ARHGEF10: variants seen among roughly 807,000 people sequenced by gnomAD.
The protein encoded by ARHGEF10 is Rho guanine nucleotide exchange factor 10, also known as Rho guanine nucleotide exchange factor (GEF) 10.
Under a neutral mutation model 147.4 loss-of-function variants are expected in ARHGEF10, and 140 were observed. The observed-to-expected ratio is 0.95, with a 90% CI of 0.83 to 1.09. The LOEUF (loss-of-function observed/expected upper bound fraction) is 1.09, where lower values mean the gene tolerates loss of function less well. Among genes scored for constraint, ARHGEF10 ranks in the 50% least tolerant of loss-of-function variants. The pLI is 0.00. For missense variants in ARHGEF10, 2,222 were observed against 1,752.7 expected (o/e 1.27, Z -4.78); for synonymous variants, 902 against 695.8 (o/e 1.30, Z -4.67).
intron 27 of ARHGEF10, among the ~76,000 whole-genome samples, chr8:1,951,381 C>G (rs1292932722): frequency 1.3e-5 from 2 of 152,350 alleles, no homozygotes; most frequent in Middle Eastern, 3.4e-3. Flanking sequence ...TCGCCCTGAC[C>G]AAGTCACGCC....
intron 10 of ARHGEF10, among the ~76,000 whole-genome samples, chr8:1,885,269 C>G (rs949768910): frequency 4.6e-5 from 7 of 152,158 alleles, no homozygotes; most frequent in African/African-American, 1.4e-4. Context: ...GATTAAGAAA[C>G]TAAAATATTT....
chr8:1,951,368 C>G (rs1311722850), intron 27 of ARHGEF10, among the ~76,000 whole-genome samples: 6 of 152,260 alleles, frequency 3.9e-5, no homozygotes, highest in African/African-American at 1.4e-4. Context: ...TGTGGATTCA[C>G]TATCGCCCTG....
intron 2 of ARHGEF10, among the ~76,000 whole-genome samples, chr8:1,846,912 G>A (rs776189404): frequency 1.1e-4 from 16 of 152,134 alleles, no homozygotes; most frequent in East Asian, 1.9e-4. Flanking sequence ...TTTTTATACC[G>A]CGTTAACATT....
rs918633031 is a variant in ARHGEF10 at position 1,850,256 on chromosome 8, AC to A, written c.37+6821del. Among the ~76,000 whole-genome samples, 23 of 134,292 alleles carry A rather than the reference AC, an allele frequency of 1.7e-4. 5 individuals carry two copies. The highest frequency in any genetic ancestry group is 1.7e-3 in the East Asian group (7 of 4,188). 88.1% of individuals were successfully genotyped at this position (134,292 alleles called of 152,430 possible). A position where few individuals can be genotyped will look rare whatever the true frequency, so the allele number is the denominator to read the frequency against. ...GCGTGGGGCAGTCGCGTGGACACAG[AC>A]GGCAAATGCTGAGGAGGGTGTGGGG... On this transcript the variant is annotated intron_variant, in intron 2 of 28. Coordinates refer to ENST00000349830, the MANE Select transcript of ARHGEF10 (RefSeq NM_014629.4).
intron 4 of ARHGEF10, among the ~76,000 whole-genome samples, chr8:1,861,129 G>A (rs188771362): frequency 3.3e-5 from 5 of 152,336 alleles, no homozygotes; most frequent in East Asian, 3.9e-4. Context: ...TGTCCTCAGC[G>A]CTGACAGCTC....
intron 26 of ARHGEF10, among the ~76,000 whole-genome samples, chr8:1,940,812 T>G (rs948878121): frequency 1.3e-5 from 2 of 152,168 alleles, no homozygotes; most frequent in Admixed American, 1.3e-4. Flanking sequence ...CAAAGATGGT[T>G]CAGGACGTGA....
chr8:1,833,275 C>A (rs1271427366), intron 1 of ARHGEF10, among the ~76,000 whole-genome samples: 4 of 137,370 alleles, frequency 2.9e-5, no homozygotes, highest in Non-Finnish European at 6.1e-5. Context: ...GAGGCAGAGA[C>A]AGAGGTAGAG....
At chr8:1,928,787 AT>A in intron 24 of ARHGEF10, 137 bp downstream of exon 24, 2 of 920,910 alleles carry the variant, frequency 2.2e-6, no homozygotes, top group Non-Finnish European at 3.4e-6. Flanking sequence ...ACCAGGGGAA[AT>A]TTTTAGGGTC....
chr8:1,921,702 T>C (rs11136443), intron 18 of ARHGEF10, among the ~76,000 whole-genome samples: 61,442 of 151,678 alleles, frequency 0.41, 13,097 homozygotes, highest in East Asian at 0.6. Context: ...GCCATCGCAC[T>C]GCAGCCTGGG....
At chr8:1,912,552 G>C (rs1419008899) in intron 18 of ARHGEF10, among the ~76,000 whole-genome samples, 3 of 110,646 alleles carry the variant, frequency 2.7e-5, no homozygotes, top group East Asian at 1.9e-4. Flanking sequence ...TCCGATGTTA[G>C]ATTCAGCAGG....
chr8:1,896,947 G>A (rs1174518014), intron 14 of ARHGEF10, among the ~76,000 whole-genome samples: 9 of 152,198 alleles, frequency 5.9e-5, no homozygotes, highest in Non-Finnish European at 1.5e-5. Flanking sequence ...TGGGGAGCAC[G>A]TCCCCTGATG....
intron 8 of ARHGEF10, among the ~76,000 whole-genome samples, chr8:1,878,773 G>C (rs549038980): frequency 1.8e-4 from 27 of 152,332 alleles, no homozygotes; most frequent in Middle Eastern, 3.4e-3. Flanking sequence ...CCGTATCCCA[G>C]AGGAGCCCTT....
chr8:1,939,368 C>T (rs1813892084), intron 26 of ARHGEF10, among the ~76,000 whole-genome samples: 1 of 152,248 alleles, frequency 6.6e-6, no homozygotes, highest in African/African-American at 2.4e-5. Context: ...AGAGCAACCA[C>T]AGATGGTTAA....
At chr8:1,920,052 G>GTGGGTGATGGAGCTGTTCCA (rs1563286467) in intron 18 of ARHGEF10, among the ~76,000 whole-genome samples, 1 of 93,946 alleles carries the variant, frequency 1.1e-5, no homozygotes, top group African/African-American at 3.9e-5. Context: ...GAGCTGTTCC[G>GTGGGTGATGGAGCTGTTCCA]TGGGTGATGG....
chr8:1,859,606 T>C (rs1403507837), intron 3 of ARHGEF10, among the ~76,000 whole-genome samples: 3 of 152,230 alleles, frequency 2.0e-5, no homozygotes, highest in Non-Finnish European at 2.9e-5. Context: ...ACCAGACTCT[T>C]GGTGAGGGGA....
chr8:1,879,352 T>C (rs1807979692), intron 8 of ARHGEF10, among the ~76,000 whole-genome samples: 1 of 152,204 alleles, frequency 6.6e-6, no homozygotes, highest in African/African-American at 2.4e-5. Context: ...CAAGTATCTT[T>C]TGCTTGGATG....
chr8:1,900,767 A>G (rs1248097784), intron 15 of ARHGEF10, among the ~76,000 whole-genome samples: 1 of 152,172 alleles, frequency 6.6e-6, no homozygotes, highest in African/African-American at 2.4e-5. Context: ...TGCACTTAGA[A>G]AGATTCAGTG....
At position 1,945,640 on chromosome 8, in the gene ARHGEF10, C is replaced by T. The variant is rs767127474; in HGVS notation, c.3382C>T (p.His1128Tyr). 3 of 1,614,220 alleles carry T rather than the reference C, an allele frequency of 1.9e-6. No individual in the cohort carries two copies. Among genetic ancestry groups the T allele is most frequent in the Non-Finnish European group, 2.5e-6 (3 of 1,180,008 alleles). Reference sequence around the variant, plus strand: ...GGACATCAACATCGCCACCCCTGTTCACAACATGCTGCCAGGTAAGGGGAC... The same window carrying T: ...GGACATCAACATCGCCACCCCTGTTTACAACATGCTGCCAGGTAAGGGGAC... ...LQDINIATPVHNMLPGHQRLS... is the reference protein window; with the variant it reads ...LQDINIATPVYNMLPGHQRLS... The change falls in exon 27 of 29, where the codon CAC becomes TAC. Residue 1128 changes from histidine to tyrosine, a missense_variant. Physicochemically the swap from His to Tyr is moderately conservative, Grantham distance 83. Transcript: ENST00000349830.
chr8:1,925,279 G>T lies in ARHGEF10; in HGVS notation c.2489-4G>T. 6.2e-7 allele frequency: 1 copy of T among 1,614,180 alleles called. No homozygotes were observed. Reference sequence around the variant, plus strand: ...TGCTCATTTCTCTCTGAATATAATTGCAGAAGAGGAGAACCACATGGGCTG... The same window carrying T: ...TGCTCATTTCTCTCTGAATATAATTTCAGAAGAGGAGAACCACATGGGCTG... On this transcript the variant is annotated splice_polypyrimidine_tract_variant and splice_region_variant and intron_variant, in intron 21 of 28. Coordinates refer to ENST00000349830, the MANE Select transcript of ARHGEF10 (RefSeq NM_014629.4).
Sources: gnomAD v4.1 joint callset for allele counts (sites outside exome capture counted in the v4.1 genomes callset) on GRCh38, gnomAD v4.1.1 for gene constraint, MANE v1.5 for transcripts, NCBI Gene and HGNC (gene_info 2026-07-23, HGNC 2026-07-21) for gene names.